Variants in ANKRD28 observed in about 807,000 individuals in gnomAD.
The protein encoded by ANKRD28 is serine/threonine-protein phosphatase 6 regulatory ankyrin repeat subunit A.
Under a neutral mutation model 126.5 loss-of-function variants are expected in ANKRD28, and 44 were observed. That is an observed-to-expected ratio of 0.35 (90% CI 0.27 to 0.45). The LOEUF is 0.45. Among genes scored for constraint, ANKRD28 ranks in the 20% least tolerant of loss-of-function variants. The pLI is 1.00. For missense variants in ANKRD28, 1,110 were observed against 1,316.6 expected, an observed-to-expected ratio of 0.84 and a Z score of 2.43; for synonymous variants, 442 against 468.5, an observed-to-expected ratio of 0.94 and a Z score of 0.73.
chr3:15,752,775 T>A (rs1168768615), intron 3 of ANKRD28, among the ~76,000 whole-genome samples: 2 of 152,198 alleles, frequency 1.3e-5, no homozygotes, highest in Non-Finnish European at 2.9e-5. Context: ...GCTTCATACT[T>A]CCTAACGCTT....
At chr3:15,779,284 G>A (rs9818077) in intron 2 of ANKRD28, among the ~76,000 whole-genome samples, 1 of 152,040 alleles carries the variant, frequency 6.6e-6, no homozygotes, top group Non-Finnish European at 1.5e-5. Context: ...TAAAAAGCAG[G>A]GAGAAGAAAT....
intron 3 of ANKRD28, among the ~76,000 whole-genome samples, chr3:15,762,599 C>A (rs1446858351): frequency 1.3e-5 from 2 of 151,966 alleles, no homozygotes; most frequent in Non-Finnish European, 2.9e-5. Context: ...TAAGTCATTC[C>A]TTCCTCTTTA....
Position 15,716,141 on chromosome 3 carries a change from C to T in ANKRD28, c.997-1485G>A, listed in dbSNP as rs183805806. 2.0e-5 allele frequency among the ~76,000 whole-genome samples: 3 copies of T among 151,846 alleles called. No individual in the cohort carries two copies. In the East Asian group the frequency reaches 5.8e-4, roughly 29 times the overall value. On this transcript the variant is annotated intron_variant, in intron 8 of 27. Transcript: ENST00000683139. ...GGGATTACAGGCATGCACCACCATG[C>T]CCAGCTAATTTTTGTATTTTAGTAG...
intron 2 of ANKRD28, among the ~76,000 whole-genome samples, chr3:15,772,392 C>T (rs2059059306): frequency 6.6e-6 from 1 of 152,130 alleles, no homozygotes; most frequent in African/African-American, 2.4e-5. Flanking sequence ...CCAACATTAT[C>T]ATCCTGATAC....
Position 15,721,136 on chromosome 3 carries a change from A to AG in ANKRD28, c.784-10dup. ...GCATTTGGTTCATTCATCTATTAGA[A>AG]GGGAAAAAAATGCGAATGTTAAAGT... On this transcript the variant is annotated splice_polypyrimidine_tract_variant and intron_variant, in intron 7 of 27. Transcript: ENST00000683139. The AG allele has an allele frequency of 6.3e-7, 1 of 1,599,366 alleles. No homozygotes were observed. The highest frequency in any genetic ancestry group is 8.5e-7 in the Non-Finnish European group (1 of 1,172,908).
rs1486435087 is a variant in ANKRD28 at position 15,780,181 on chromosome 3, C to CA, written c.202-13870dup. 6.6e-5 allele frequency among the ~76,000 whole-genome samples: 10 copies of CA among 151,904 alleles called. No individual in the cohort carries two copies. The South Asian group carries it at 8.3e-4, about 13-fold the overall frequency. ...CACAGAGAAATCCCTAAAGAGACAC[C>CA]AAAAAATGACTGAAACTGACAAATG... On this transcript the variant is annotated intron_variant, in intron 2 of 27. Coordinates refer to ENST00000683139, the MANE Select transcript of ANKRD28 (RefSeq NM_001349278.2).
In ANKRD28 at chr3:15,712,190, A is replaced by C. The variant is rs1440030728; in HGVS notation, c.1223T>G (p.Leu408Trp). 1 of 1,586,800 alleles carries C rather than the reference A, an allele frequency of 6.3e-7. No individual in the cohort carries two copies. Among genetic ancestry groups the C allele is most frequent in the East Asian group, 2.3e-5 (1 of 43,782 alleles). The change falls in exon 11 of 28, where the codon TTG becomes TGG. Residue 408 changes from leucine to tryptophan, a missense_variant. Physicochemically the swap from Leu to Trp is moderately conservative, Grantham distance 61. Coordinates refer to ENST00000683139, the MANE Select transcript of ANKRD28 (RefSeq NM_001349278.2). ...RGIHGMFPLH[L>W]AALSGFSDCC... is the part of the protein sequence containing the mutation. ...ATCTGAAAAGCCGCTTAAGGCTGCCAAATGGAGGGGGAACATTCCATGTAT... is the reference window on the plus strand; with the variant it reads ...ATCTGAAAAGCCGCTTAAGGCTGCCCAATGGAGGGGGAACATTCCATGTAT...
intron 2 of ANKRD28, among the ~76,000 whole-genome samples, chr3:15,780,328 A>C (rs576280439): frequency 1.8e-4 from 28 of 152,254 alleles, no homozygotes; most frequent in Non-Finnish European, 3.2e-4. Flanking sequence ...GCAACAACAA[A>C]AAAAAGTAAC....
At chr3:15,813,854 T>C (rs2060778120) in intron 1 of ANKRD28, among the ~76,000 whole-genome samples, 1 of 152,230 alleles carries the variant, frequency 6.6e-6, no homozygotes, top group South Asian at 2.1e-4. Flanking sequence ...GAATGAGCTA[T>C]GAGCAAAAGG....
At chr3:15,738,865 C>T (rs2075234375) in intron 4 of ANKRD28, 1 of 152,200 alleles carries the variant, frequency 6.6e-6, no homozygotes, top group South Asian at 2.1e-4. Flanking sequence ...CCCTTATCTG[C>T]AAGTGTAAAA....
At chr3:15,711,304 C>T (rs941443673) in intron 11 of ANKRD28, 30 bp from the exon 12 acceptor site, 116 of 1,548,640 alleles carry the variant, frequency 7.5e-5, no homozygotes, top group Non-Finnish European at 9.9e-5. Context: ...TTATTTATAA[C>T]AGACATATTA....
intron 1 of ANKRD28, among the ~76,000 whole-genome samples, chr3:15,824,814 T>C (rs572957952): frequency 2.0e-5 from 3 of 152,336 alleles, no homozygotes; most frequent in Admixed American, 6.5e-5. Context: ...TTTAAACTCA[T>C]TGGTAAAAGG....
rs114393505 is a variant in ANKRD28 at position 15,760,390 on chromosome 3, A to G, written c.280+5844T>C. On this transcript the variant is annotated intron_variant, in intron 3 of 27. Transcript: ENST00000683139. Reference sequence around the variant, plus strand: ...AACACACCTGTGCATGTACTCCTGAACTTAAAATTTGGTTTGAGAGTTATT... The same window carrying G: ...AACACACCTGTGCATGTACTCCTGAGCTTAAAATTTGGTTTGAGAGTTATT... Among the ~76,000 whole-genome samples the G allele has an allele frequency of 5.6e-3, 855 of 152,294 alleles. 6 individuals carry two copies. Among genetic ancestry groups the G allele is most frequent in the African/African-American group, 0.02 (815 of 41,564 alleles).
At position 15,814,054 on chromosome 3, in the gene ANKRD28, T is replaced by C. The variant is rs1472856329; in HGVS notation, c.28-18748A>G. Among the ~76,000 whole-genome samples, 1 of 152,208 alleles carries C rather than the reference T, an allele frequency of 6.6e-6. No individual in the cohort carries two copies. The highest frequency in any genetic ancestry group is 1.5e-5 in the Non-Finnish European group (1 of 68,036). On this transcript the variant is annotated intron_variant, in intron 1 of 27. Transcript: ENST00000399451. The surrounding 1 kb of genome is among the most constrained non-coding windows in gnomAD (Gnocchi z 4.7). ...ATTATAAAACGGCTATACTAAGTCTTCCACTAACACAGGGTCCACTACTAT... is the reference window on the plus strand; with the variant it reads ...ATTATAAAACGGCTATACTAAGTCTCCCACTAACACAGGGTCCACTACTAT...
At chr3:15,759,095 T>A (rs188636474) in intron 3 of ANKRD28, among the ~76,000 whole-genome samples, 1 of 152,242 alleles carries the variant, frequency 6.6e-6, no homozygotes, top group African/African-American at 2.4e-5. Context: ...AGTTCTTCAA[T>A]AAAAGTGACT....
chr3:15,716,123 C>T (rs972429494), intron 8 of ANKRD28, among the ~76,000 whole-genome samples: 4 of 151,544 alleles, frequency 2.6e-5, no homozygotes, highest in Non-Finnish European at 5.9e-5. Flanking sequence ...GCTGGGATTA[C>T]AGGCATGCAC....
chr3:15,743,378 A>ACAAAC (rs773992717), intron 4 of ANKRD28, among the ~76,000 whole-genome samples: 2 of 152,082 alleles, frequency 1.3e-5, no homozygotes, highest in Non-Finnish European at 2.9e-5. Context: ...AAACAAACAA[A>ACAAAC]AAAAAACAAA....
At chr3:15,769,236 A>G (rs904543315) in intron 2 of ANKRD28, among the ~76,000 whole-genome samples, 1 of 152,220 alleles carries the variant, frequency 6.6e-6, no homozygotes, top group Non-Finnish European at 1.5e-5. Context: ...TATGATTCAT[A>G]TGAACACAGT....
chr3:15,684,987 A>C, intron 21 of ANKRD28: 1 of 507,320 alleles, frequency 2.0e-6, no homozygotes, highest in Non-Finnish European at 3.5e-6. Flanking sequence ...AGAAAAGAAA[A>C]ACCTCAAAAA....
Sources: allele counts gnomAD v4.1 joint callset (sites outside exome capture counted in the v4.1 genomes callset), GRCh38; gene constraint gnomAD v4.1.1; non-coding constraint Gnocchi (gnomAD v3.1); transcripts MANE v1.5; gene names NCBI Gene and HGNC (gene_info 2026-07-23, HGNC 2026-07-21).